Variants in ZNF346 observed in about 807,000 individuals in gnomAD.
ZNF346 encodes the protein double-stranded RNA-binding zinc finger protein JAZ.
In ZNF346, 23 loss-of-function variants were observed where a neutral mutation model predicts 33.7. The ratio of observed to expected loss-of-function variants is 0.68; its 90% CI spans 0.49 to 0.97. The LOEUF (loss-of-function observed/expected upper bound fraction) is 0.97, where lower values mean the gene tolerates loss of function less well. Among genes scored for constraint, ZNF346 ranks in the 50% least tolerant of loss-of-function variants. The pLI, the probability that ZNF346 is intolerant of heterozygous loss-of-function variation, is 0.00. For synonymous variants in ZNF346, 134 were observed against 142.4 expected, an observed-to-expected ratio of 0.94 and a Z score of 0.42; for missense variants, 340 against 371.1, an observed-to-expected ratio of 0.92 and a Z score of 0.69.
Position 177,066,362 on chromosome 5 carries a change from C to T in ZNF346, c.*1763C>T, listed in dbSNP as rs1783163798. 6.6e-6 allele frequency among the ~76,000 whole-genome samples: 1 copy of T among 151,976 alleles called. No individual in the cohort carries two copies. The highest frequency in any genetic ancestry group is 2.4e-5 in the African/African-American group (1 of 41,390). ...CCAGTATGGCTTTCCAGGCTAATCA[C>T]TTAGGGCAGAGACCCAGCCTTATTC... is the stretch of plus-strand genomic sequence containing the variant. On this transcript the variant is annotated 3_prime_UTR_variant, in exon 7 of 7. Coordinates refer to ENST00000358149, the MANE Select transcript of ZNF346 (RefSeq NM_012279.4).
At chr5:177,029,015 G>A (rs1248186040) in intron 1 of ZNF346, among the ~76,000 whole-genome samples, 2 of 151,284 alleles carry the variant, frequency 1.3e-5, no homozygotes, top group Admixed American at 6.6e-5. Context: ...CACCGCACCC[G>A]GCCATATAAC....
chr5:177,044,621 GC>G, intron 4 of ZNF346, 88 bp downstream of exon 4: 2 of 1,413,194 alleles, frequency 1.4e-6, no homozygotes, highest in Non-Finnish European at 9.8e-7. Flanking sequence ...CCTCACTGAG[GC>G]CACAGACTTG....
intron 5 of ZNF346, among the ~76,000 whole-genome samples, chr5:177,059,565 C>T (rs1203757848): frequency 6.6e-6 from 1 of 151,900 alleles, no homozygotes. Flanking sequence ...CAGGCAAATC[C>T]TTCTTGCCCC....
downstream of ZNF346, among the ~76,000 whole-genome samples, chr5:177,069,452 C>CAA (rs71299775): frequency 0.015 from 2,188 of 143,146 alleles, 25 homozygotes; most frequent in South Asian, 0.041. Flanking sequence ...GACTCTGTCT[C>CAA]AAAAAAAAAA....
exon 9 of ZNF346, chr5:177,080,297 G>A (rs533957974): frequency 6.6e-6 from 1 of 152,358 alleles, no homozygotes; most frequent in East Asian, 1.9e-4. Flanking sequence ...GGAGGGTGTT[G>A]CCCATGCTTT....
chr5:177,022,789 C>G lies in ZNF346; in HGVS notation c.51C>G (p.Ala17=), dbSNP rs775560129. Residue 17 remains alanine, a synonymous_variant, in exon 1 of 7, where the codon GCC becomes GCG. Coordinates refer to ENST00000358149, the MANE Select transcript of ZNF346 (RefSeq NM_012279.4). ...ATVQAADGGA[A]GPYSSSELLE... ...TGCAGGCCGCGGACGGCGGAGCGGC[C>G]GGGCCTTACAGCAGCTCGGAGTTGC... 1.3e-6 allele frequency: 2 copies of G among 1,548,176 alleles called. No homozygotes were observed. The highest frequency in any genetic ancestry group is 1.4e-5 in the African/African-American group (1 of 72,598).
At chr5:177,044,600 C>A in intron 4 of ZNF346, 67 bp downstream of exon 4, 2 of 1,544,360 alleles carry the variant, frequency 1.3e-6, no homozygotes, top group Non-Finnish European at 1.8e-6. Flanking sequence ...CTGCCAGGGG[C>A]TCACAGAGAT....
chr5:177,043,480 G>A (rs1013038047), intron 3 of ZNF346, among the ~76,000 whole-genome samples: 1 of 152,014 alleles, frequency 6.6e-6, no homozygotes, highest in African/African-American at 2.4e-5. Context: ...AGAACGCAAT[G>A]GGAGGCTGGG....
chr5:177,057,460 GGC>G (rs1456505740), intron 5 of ZNF346, among the ~76,000 whole-genome samples: 6 of 151,852 alleles, frequency 4.0e-5, no homozygotes, highest in African/African-American at 1.2e-4. Context: ...TTCTCAGCCG[GGC>G]GTGGTGGCTC....
intron 5 of ZNF346, among the ~76,000 whole-genome samples, chr5:177,053,437 C>G (rs748337327): frequency 6.6e-6 from 1 of 151,044 alleles, no homozygotes; most frequent in African/African-American, 2.4e-5. Flanking sequence ...AGGCATGAGC[C>G]GTTACACCCA....
rs574165676 is a variant in ZNF346 at position 177,031,521 on chromosome 5, C to T, written c.175+8608C>T. On this transcript the variant is annotated intron_variant, in intron 1 of 6. Coordinates refer to ENST00000358149, the MANE Select transcript of ZNF346 (RefSeq NM_012279.4). ...AGTCATTTTTCTCTCTCTCTCACCG[C>T]TTTCAGGATTTTCTGTCTTTGCCTT... Among the ~76,000 whole-genome samples the T allele has an allele frequency of 1.7e-4, 26 of 152,250 alleles. No homozygotes were observed. In the East Asian group the frequency reaches 4.0e-3, roughly 24 times the overall value.
chr5:177,075,406 A>AAAAC (rs924454368), intron 8 of ZNF346, among the ~76,000 whole-genome samples: 3 of 151,656 alleles, frequency 2.0e-5, no homozygotes, highest in African/African-American at 7.3e-5. Flanking sequence ...ACCGTCTCAA[A>AAAAC]AAACAAACAA....
At chr5:177,023,125 G>A (rs1317029606) in intron 1 of ZNF346, 43 of 1,501,008 alleles carry the variant, frequency 2.9e-5, no homozygotes, top group Middle Eastern at 1.7e-4. Context: ...CTCAGGCCCT[G>A]GGTTTTCCTC....
chr5:177,047,996 A>G lies in ZNF346; in HGVS notation c.518-2755A>G, dbSNP rs550972317. On this transcript the variant is annotated intron_variant, in intron 4 of 6. Coordinates refer to ENST00000358149, the MANE Select transcript of ZNF346 (RefSeq NM_012279.4). Reference sequence around the variant, plus strand: ...TATGACATTTGTATTTCCCCATGTTATTAAAAAATTCTTTATAAGCATTTT... The same window carrying G: ...TATGACATTTGTATTTCCCCATGTTGTTAAAAAATTCTTTATAAGCATTTT... Among the ~76,000 whole-genome samples the G allele has an allele frequency of 2.0e-5, 3 of 152,296 alleles. No individual in the cohort carries two copies. In the East Asian group the frequency reaches 5.8e-4, roughly 29 times the overall value.
At chr5:177,051,758 C>G (rs1181765072) in intron 5 of ZNF346, 1 of 151,828 alleles carries the variant, frequency 6.6e-6, no homozygotes, top group East Asian at 1.9e-4. Flanking sequence ...AGGATGGTCT[C>G]GATTTCCTGA....
rs1780220722 is a variant in ZNF346, at chr5:177,047,368, C to T, written c.517+2835C>T. ...TTTTTTTTTTTTTGAGATGGAGTCT[C>T]CCTCTTTTGCCCAAGCTGGAGTGAA... On this transcript the variant is annotated intron_variant, in intron 4 of 6. Transcript: ENST00000358149. 5.5e-5 allele frequency among the ~76,000 whole-genome samples: 8 copies of T among 146,660 alleles called. No individual in the cohort carries two copies. The South Asian group carries it at 1.7e-3, about 31-fold the overall frequency.
At chr5:177,078,456 G>T (rs1783853597) in intron 8 of ZNF346, among the ~76,000 whole-genome samples, 1 of 152,170 alleles carries the variant, frequency 6.6e-6, no homozygotes, top group African/African-American at 2.4e-5. Flanking sequence ...TGAGGAGCTG[G>T]GGGTGCCAGT....
chr5:177,028,226 A>G (rs1005684187), intron 1 of ZNF346, among the ~76,000 whole-genome samples: 2 of 148,032 alleles, frequency 1.4e-5, no homozygotes, highest in Admixed American at 1.3e-4. Context: ...TTTAGTAGAG[A>G]CGGGGTTTCA....
At chr5:177,026,587 C>T (rs1003778106) in intron 1 of ZNF346, among the ~76,000 whole-genome samples, 15 of 151,992 alleles carry the variant, frequency 9.9e-5, no homozygotes. Context: ...GTCTTGAACT[C>T]CTGACCTCAG....
Sources: gnomAD v4.1 joint callset for allele counts (sites outside exome capture counted in the v4.1 genomes callset) on GRCh38, gnomAD v4.1.1 for gene constraint, MANE v1.5 for transcripts, NCBI Gene and HGNC (gene_info 2026-07-23, HGNC 2026-07-21) for gene names.